Variants in GPD2 observed in about 807,000 individuals in gnomAD.
GPD2 encodes glycerol-3-phosphate dehydrogenase 2.
GPD2 carries 54 observed loss-of-function variants against 82.4 expected under a neutral mutation model. That is an observed-to-expected ratio of 0.66 (90% CI 0.53 to 0.82). GPD2 has a LOEUF of 0.82. Among genes scored for constraint, GPD2 ranks in the 40% least tolerant of loss-of-function variants. The pLI, the probability that GPD2 is intolerant of heterozygous loss-of-function variation, is 0.00. For synonymous variants in GPD2, 288 were observed against 306.1 expected (o/e 0.94, Z 0.62); for missense variants, 748 against 896.2 (o/e 0.83, Z 2.11).
intron 13 of GPD2, among the ~76,000 whole-genome samples, chr2:156,574,592 A>T (rs897674470): frequency 6.0e-5 from 9 of 149,986 alleles, no homozygotes; most frequent in African/African-American, 1.5e-4. Context: ...ACAAAAATAC[A>T]TTTTTTTTTT....
At chr2:156,496,600 A>G (rs894316924) in intron 3 of GPD2, among the ~76,000 whole-genome samples, 1 of 152,232 alleles carries the variant, frequency 6.6e-6, no homozygotes, top group Non-Finnish European at 1.5e-5. Flanking sequence ...TTTTTGAAAT[A>G]TAGGCACTGC....
intron 1 of GPD2, among the ~76,000 whole-genome samples, chr2:156,443,222 A>G (rs1193725135): frequency 6.6e-6 from 1 of 152,172 alleles, no homozygotes; most frequent in Non-Finnish European, 1.5e-5. Context: ...TAAACCCTTT[A>G]GCTACTCTTT....
chr2:156,512,686 A>G (rs1558936218), intron 5 of GPD2, among the ~76,000 whole-genome samples: 1 of 152,224 alleles, frequency 6.6e-6, no homozygotes, highest in Non-Finnish European at 1.5e-5. Context: ...ATGTAAACAT[A>G]CCACATACCA....
chr2:156,436,058 C>G (rs1688416547), upstream of GPD2, among the ~76,000 whole-genome samples: 1 of 152,222 alleles, frequency 6.6e-6, no homozygotes, highest in South Asian at 2.1e-4. Flanking sequence ...CGCTGCGCGA[C>G]CCCACCCGGC....
At chr2:156,493,788 A>G (rs930740101) in intron 2 of GPD2, among the ~76,000 whole-genome samples, 9 of 152,130 alleles carry the variant, frequency 5.9e-5, no homozygotes, top group African/African-American at 2.2e-4. Flanking sequence ...CTCATGTCCA[A>G]GTCCTACCCA....
chr2:156,553,267 C>T (rs1390132537), intron 8 of GPD2, among the ~76,000 whole-genome samples: 2 of 152,060 alleles, frequency 1.3e-5, no homozygotes, highest in Non-Finnish European at 2.9e-5. Context: ...TTATAGAGTG[C>T]TGTATCCCCA....
At chr2:156,426,525 T>C in the GPD2 span, among the ~76,000 whole-genome samples, 1 of 152,194 alleles carries the variant, frequency 6.6e-6, no homozygotes, top group Non-Finnish European at 1.5e-5. Context: ...GAGATTTGGG[T>C]AGGGACACAA....
At chr2:156,579,373 A>T (rs1359794198) in intron 15 of GPD2, among the ~76,000 whole-genome samples, 1 of 138,370 alleles carries the variant, frequency 7.2e-6, no homozygotes, top group Non-Finnish European at 1.5e-5. Flanking sequence ...GTTGCCCAGG[A>T]TGGTGTGCAG....
the GPD2 span, among the ~76,000 whole-genome samples, chr2:156,429,295 A>G: frequency 6.6e-6 from 1 of 152,180 alleles, no homozygotes; most frequent in South Asian, 2.1e-4. Flanking sequence ...GAAAAGCTGA[A>G]TTCTCTATTT....
chr2:156,446,510 C>T (rs1348103436), intron 1 of GPD2, among the ~76,000 whole-genome samples: 3 of 151,954 alleles, frequency 2.0e-5, no homozygotes, highest in Admixed American at 6.5e-5. Context: ...AGTCTAGCTG[C>T]AAGTCCAGGA....
the GPD2 span, among the ~76,000 whole-genome samples, chr2:156,410,345 T>A: frequency 6.6e-6 from 1 of 152,164 alleles, no homozygotes; most frequent in South Asian, 2.1e-4. Context: ...TTAATGATTG[T>A]GAAAAGTTGC....
intron 16 of GPD2, among the ~76,000 whole-genome samples, chr2:156,582,124 A>T (rs1335745535): frequency 6.6e-6 from 1 of 152,060 alleles, no homozygotes; most frequent in Non-Finnish European, 1.5e-5. Context: ...AAAGGAAAAA[A>T]ATCCCTATGC....
intron 6 of GPD2, among the ~76,000 whole-genome samples, chr2:156,522,206 T>C (rs1170535777): frequency 6.6e-6 from 1 of 152,232 alleles, no homozygotes; most frequent in Non-Finnish European, 1.5e-5. Flanking sequence ...AATTGTTTAT[T>C]GCTCACTTGC....
At chr2:156,532,808 C>T (rs776771515) in intron 6 of GPD2, among the ~76,000 whole-genome samples, 10 of 152,200 alleles carry the variant, frequency 6.6e-5, no homozygotes, top group Non-Finnish European at 1.5e-4. Context: ...CTAATTTCCT[C>T]CTCTGTGACC....
chr2:156,459,709 A>AAAAAG (rs1682922799), intron 1 of GPD2, among the ~76,000 whole-genome samples: 1 of 147,840 alleles, frequency 6.8e-6, no homozygotes, highest in Non-Finnish European at 1.5e-5. Flanking sequence ...AAAAAAAAAA[A>AAAAAG]GAAAGAAAAA....
chr2:156,442,202 G>A (rs958396568), intron 1 of GPD2, among the ~76,000 whole-genome samples: 1 of 152,094 alleles, frequency 6.6e-6, no homozygotes, highest in Non-Finnish European at 1.5e-5. Flanking sequence ...TTCTGAAATC[G>A]AGATTTCTAG....
At chr2:156,435,821 A>C (rs1347899341), upstream of GPD2, 1 of 152,396 alleles carries the variant, frequency 6.6e-6, no homozygotes, top group African/African-American at 2.4e-5. Flanking sequence ...CAGCCCCGCC[A>C]GCGTGCCGGC....
rs1573948381 is a variant in GPD2, at chr2:156,513,361, G to A, written c.526G>A (p.Gly176Arg). Residue 176 changes from glycine to arginine, a missense_variant, in exon 6 of 17, where the codon GGA (glycine) becomes AGA (arginine). Physicochemically the swap from Gly to Arg is moderately radical, Grantham distance 125. This residue lies in a region of GPD2 where 692 missense variants were observed against 809.7 expected (regional missense o/e 0.85). Coordinates refer to ENST00000438166, the MANE Select transcript of GPD2 (RefSeq NM_000408.5). ...GTGGCAGTTACCTTACTACTGGGTA[G>A]GAATCAAGCTGTATGATTTGGTTGC... is the stretch of plus-strand genomic sequence containing the variant. ...KWWQLPYYWV[G>R]IKLYDLVAGS... is the part of the protein sequence containing the mutation. 1 of 1,611,862 alleles carries A rather than the reference G, an allele frequency of 6.2e-7. No homozygotes were observed. The highest frequency in any genetic ancestry group is 8.5e-7 in the Non-Finnish European group (1 of 1,179,160).
intron 2 of GPD2, among the ~76,000 whole-genome samples, chr2:156,493,368 GA>G (rs201786290): frequency 1.3e-5 from 2 of 151,580 alleles, no homozygotes; most frequent in Admixed American, 6.6e-5. Context: ...TGAGGCAGTA[GA>G]AAAAAAACAA....
Sources: gnomAD v4.1 joint callset for allele counts (sites outside exome capture counted in the v4.1 genomes callset) on GRCh38, gnomAD v4.1.1 for gene constraint, gnomAD v4.1.1 regional missense constraint, MANE v1.5 for transcripts, NCBI Gene and HGNC (gene_info 2026-07-23, HGNC 2026-07-21) for gene names.